FNIP1: variants seen among roughly 807,000 people sequenced by gnomAD.
FNIP1 encodes folliculin interacting protein 1, also known as folliculin-interacting protein 1.
Under a neutral mutation model 124.5 loss-of-function variants are expected in FNIP1, and 40 were observed. That is an observed-to-expected ratio of 0.32 (90% CI 0.25 to 0.42). The LOEUF (loss-of-function observed/expected upper bound fraction) is 0.42, where lower values mean the gene tolerates loss of function less well. FNIP1 is among the 10% of genes least tolerant of loss of function. FNIP1 has a pLI of 1.00. For missense variants in FNIP1, 1,176 were observed against 1,403.7 expected, an observed-to-expected ratio of 0.84 and a Z score of 2.59; for synonymous variants, 472 against 470.6, an observed-to-expected ratio of 1.00 and a Z score of -0.04.
intron 1 of FNIP1, among the ~76,000 whole-genome samples, chr5:131,784,238 G>A (rs1772088824): frequency 6.6e-6 from 1 of 152,082 alleles, no homozygotes; most frequent in African/African-American, 2.4e-5. Flanking sequence ...GAGGTTTTAT[G>A]GAGCCGTTGA....
intron 3 of FNIP1, among the ~76,000 whole-genome samples, chr5:131,722,866 A>G (rs1769720208): frequency 6.6e-6 from 1 of 152,134 alleles, no homozygotes; most frequent in South Asian, 2.1e-4. Context: ...TTGTATTTTT[A>G]GTAGAGACAG....
chr5:131,712,557 C>A lies in FNIP1; in HGVS notation c.623-1896G>T, dbSNP rs148964161. Among the ~76,000 whole-genome samples the A allele has an allele frequency of 5.9e-3, 898 of 152,280 alleles. 11 individuals are homozygous for A. The highest frequency in any genetic ancestry group is 0.02 in the African/African-American group (819 of 41,562). Reference sequence around the variant, plus strand: ...AGATATGAGAATTTAGCTGTATCCTCATCCACAAATTAAGGAGATTTGTAA... The same window carrying A: ...AGATATGAGAATTTAGCTGTATCCTAATCCACAAATTAAGGAGATTTGTAA... On this transcript the variant is annotated intron_variant, in intron 6 of 17. Coordinates refer to ENST00000510461, the MANE Select transcript of FNIP1 (RefSeq NM_133372.3).
chr5:131,756,402 T>G (rs1771051896), intron 1 of FNIP1, among the ~76,000 whole-genome samples: 2 of 152,062 alleles, frequency 1.3e-5, no homozygotes, highest in African/African-American at 4.8e-5. Context: ...ACAAGAGCCC[T>G]TTTTTTAAAA....
intron 1 of FNIP1, among the ~76,000 whole-genome samples, chr5:131,760,201 A>G (rs529122413): frequency 6.6e-6 from 1 of 152,318 alleles, no homozygotes; most frequent in South Asian, 2.1e-4. Flanking sequence ...CCCATGTAAC[A>G]AACCTACATA....
intron 1 of FNIP1, among the ~76,000 whole-genome samples, chr5:131,761,313 T>G (rs1223766728): frequency 2.0e-5 from 3 of 152,046 alleles, no homozygotes; most frequent in Admixed American, 6.6e-5. Context: ...GCATACAAAT[T>G]GGAAAGGAAG....
chr5:131,676,293 G>A (rs545289701), intron 13 of FNIP1, among the ~76,000 whole-genome samples: 12 of 152,182 alleles, frequency 7.9e-5, no homozygotes, highest in African/African-American at 2.9e-4. Context: ...GATTACAGGC[G>A]TGAGCCACTG....
intron 7 of FNIP1, 123 bp downstream of exon 7, chr5:131,710,455 C>A: frequency 1.4e-6 from 1 of 734,898 alleles, no homozygotes. Context: ...CTTCCTAATG[C>A]AATGTTTTCT....
At chr5:131,679,464 G>A (rs983230633) in intron 11 of FNIP1, among the ~76,000 whole-genome samples, 3 of 152,110 alleles carry the variant, frequency 2.0e-5, no homozygotes, top group East Asian at 1.9e-4. Context: ...AAAATGAAAG[G>A]ATACGATGAT....
chr5:131,659,709 G>GTT (rs766447503), intron 15 of FNIP1, among the ~76,000 whole-genome samples: 74 of 152,230 alleles, frequency 4.9e-4, no homozygotes, highest in Non-Finnish European at 8.8e-4. Flanking sequence ...AACATGGCCT[G>GTT]GATGGCCATA....
intron 13 of FNIP1, among the ~76,000 whole-genome samples, chr5:131,677,028 G>A (rs974488761): frequency 7.9e-5 from 12 of 152,160 alleles, no homozygotes; most frequent in African/African-American, 2.2e-4. Context: ...TAGCAGCTAC[G>A]TTTACGAGAC....
chr5:131,710,562 A>G lies in FNIP1; in HGVS notation c.706+16T>C. 6.2e-7 allele frequency: 1 copy of G among 1,612,588 alleles called. No homozygotes were observed. The highest frequency in any genetic ancestry group is 1.1e-5 in the South Asian group (1 of 90,846). On this transcript the variant is annotated intron_variant, in intron 7 of 17. Transcript: ENST00000510461. ...GGGGCACACCAACTAGTCTACCCAC[A>G]CAGCACATCGCAAACCTGCAAAGAA...
intron 1 of FNIP1, among the ~76,000 whole-genome samples, chr5:131,746,961 A>G (rs1770703985): frequency 6.6e-6 from 1 of 152,142 alleles, no homozygotes; most frequent in Non-Finnish European, 1.5e-5. Flanking sequence ...CTTTTTAATA[A>G]TAGCCAATCT....
intron 2 of FNIP1, among the ~76,000 whole-genome samples, chr5:131,734,882 A>C (rs543890835): frequency 2.0e-5 from 3 of 152,232 alleles, no homozygotes; most frequent in Non-Finnish European, 4.4e-5. Flanking sequence ...TAGTTCAACC[A>C]TTGTGGAAGA....
intron 2 of FNIP1, among the ~76,000 whole-genome samples, chr5:131,741,638 C>T (rs544222037): frequency 1.3e-5 from 2 of 152,230 alleles, no homozygotes; most frequent in Non-Finnish European, 2.9e-5. Flanking sequence ...TGAAATATTG[C>T]CTTCTCTCAC....
At chr5:131,739,638 C>T (rs1396193090) in intron 2 of FNIP1, among the ~76,000 whole-genome samples, 2 of 151,846 alleles carry the variant, frequency 1.3e-5, no homozygotes, top group Non-Finnish European at 2.9e-5. Context: ...ACAGTGAAAC[C>T]CTGTCTCTAC....
chr5:131,796,636 G>C (rs1348137914), intron 1 of FNIP1, 194 bp downstream of exon 1: 1 of 578,146 alleles, frequency 1.7e-6, no homozygotes, highest in East Asian at 3.1e-5. Flanking sequence ...GAGGCGGGTG[G>C]GGTAAAATAA....
chr5:131,733,606 G>A (rs2149552176), intron 2 of FNIP1, among the ~76,000 whole-genome samples: 1 of 152,210 alleles, frequency 6.6e-6, no homozygotes, highest in South Asian at 2.1e-4. Flanking sequence ...TTTGTCTTTG[G>A]TTCTGTTTAT....
In FNIP1 at chr5:131,647,163, T is replaced by G; in HGVS notation, c.3349A>C (p.Lys1117Gln). Residue 1117 changes from lysine (K) to glutamine (Q), a missense_variant, in exon 17 of 18, where the codon AAA (lysine) becomes CAA (glutamine). Lys to Gln is a moderately conservative substitution (Grantham distance 53). Around this residue, in one of 2 missense-constraint regions of FNIP1, gnomAD observed 67 missense variants for 115.2 expected, o/e 0.58. Transcript: ENST00000510461. Reference protein sequence around the residue: ...LEDRLQELYFKSKMLSEYLRG... With the variant: ...LEDRLQELYFQSKMLSEYLRG... ...AGGTATTCAGACAGCATTTTACTTT[T>G]GAAGTATAGCTCCTGCAACCGGTCT... is the stretch of plus-strand genomic sequence containing the variant. 6.2e-7 allele frequency: 1 copy of G among 1,614,152 alleles called. No homozygotes were observed. The highest frequency in any genetic ancestry group is 2.2e-5 in the East Asian group (1 of 44,880).
In FNIP1 at chr5:131,690,011, G is replaced by A. The variant is rs149530698; in HGVS notation, c.1202+8906C>T. On this transcript the variant is annotated intron_variant, in intron 11 of 17. Coordinates refer to ENST00000510461, the MANE Select transcript of FNIP1 (RefSeq NM_133372.3). ...CGAGGAGGGTGGATCGCGAGGTCAG[G>A]AGATCGAGGCCATCCTGGCTAACAC... 6.0e-3 allele frequency among the ~76,000 whole-genome samples: 914 copies of A among 152,174 alleles called. 9 individuals carry two copies. The highest frequency in any genetic ancestry group is 0.021 in the African/African-American group (878 of 41,512).
Sources: allele counts gnomAD v4.1 joint callset (sites outside exome capture counted in the v4.1 genomes callset), GRCh38; gene constraint gnomAD v4.1.1; regional missense constraint gnomAD v4.1.1; transcripts MANE v1.5; gene names NCBI Gene and HGNC (gene_info 2026-07-23, HGNC 2026-07-21).